Variants in GOLGB1 observed in about 807,000 individuals in gnomAD.
GOLGB1 encodes golgin subfamily B member 1.
GOLGB1 carries 174 observed loss-of-function variants against 336.9 expected under a neutral mutation model. The observed-to-expected ratio is 0.52, with a 90% CI of 0.46 to 0.59. The LOEUF (loss-of-function observed/expected upper bound fraction) is 0.59, where lower values mean the gene tolerates loss of function less well. Ranked by LOEUF, GOLGB1 falls within the 20% of genes least tolerant of loss-of-function variation. GOLGB1 has a pLI of 0.00. For missense variants in GOLGB1, 3,331 were observed against 3,645.3 expected (o/e 0.91, Z 2.22); for synonymous variants, 1,208 against 1,289.2 (o/e 0.94, Z 1.35).
intron 4 of GOLGB1, among the ~76,000 whole-genome samples, 167 bp from the exon 5 acceptor site, chr3:121,727,208 A>G (rs547644639): frequency 1.8e-4 from 26 of 145,262 alleles, no homozygotes; most frequent in African/African-American, 6.5e-4. Flanking sequence ...AGGGTTGTCC[A>G]GTTTTTGTAT....
At chr3:121,733,094 C>A (rs1300116899) in intron 1 of GOLGB1, among the ~76,000 whole-genome samples, 1 of 151,506 alleles carries the variant, frequency 6.6e-6, no homozygotes, top group Non-Finnish European at 1.5e-5. Flanking sequence ...GAGGCCAGGG[C>A]GGGCGGATCA....
chr3:121,701,005 T>C (rs919165157), intron 11 of GOLGB1, among the ~76,000 whole-genome samples: 2 of 152,138 alleles, frequency 1.3e-5, no homozygotes, highest in Non-Finnish European at 2.9e-5. Context: ...GCCTGGCACA[T>C]AGGAAAGCCA....
rs952585860 is a variant in GOLGB1, at chr3:121,691,097, T to C, written c.8267A>G (p.Asn2756Ser). Residue 2756 changes from asparagine (N) to serine (S), a missense_variant, in exon 14 of 22, where the codon AAT (asparagine) becomes AGT (serine). Coordinates refer to ENST00000614479, the MANE Select transcript of GOLGB1 (RefSeq NM_001366282.2). ...SSLQNSRDHA[N>S]EELDELKRKY... is the part of the protein sequence containing the mutation. ...CCTTTTCAGTTCATCAAGTTCCTCA[T>C]TGGCATGATCTCTACTATTTTGCAA... 1 of 1,614,100 alleles carries C rather than the reference T, an allele frequency of 6.2e-7. No individual in the cohort carries two copies. Among genetic ancestry groups the C allele is most frequent in the Non-Finnish European group, 8.5e-7 (1 of 1,180,016 alleles).
chr3:121,683,162 G>A (rs528058985), intron 14 of GOLGB1, among the ~76,000 whole-genome samples: 6 of 136,408 alleles, frequency 4.4e-5, no homozygotes, highest in Non-Finnish European at 6.1e-5. Context: ...TTGGCCTCCC[G>A]AAGTGCTGGG....
chr3:121,686,583 A>G (rs989366145), intron 14 of GOLGB1, among the ~76,000 whole-genome samples: 3 of 152,234 alleles, frequency 2.0e-5, no homozygotes, highest in African/African-American at 7.2e-5. Flanking sequence ...AAGATGTACA[A>G]ATAAGTATAA....
chr3:121,684,069 A>G (rs1304682586), intron 14 of GOLGB1, among the ~76,000 whole-genome samples: 1 of 145,470 alleles, frequency 6.9e-6, no homozygotes, highest in East Asian at 2.1e-4. Flanking sequence ...CGGAGGTTGC[A>G]GTAAGCCAAG....
intron 14 of GOLGB1, among the ~76,000 whole-genome samples, chr3:121,686,514 G>A (rs998933999): frequency 6.6e-6 from 1 of 152,088 alleles, no homozygotes; most frequent in African/African-American, 2.4e-5. Context: ...AATGAGGAGA[G>A]TATAGATAAA....
chr3:121,665,021 T>C lies in GOLGB1; in HGVS notation c.9565A>G (p.Ser3189Gly), dbSNP rs1938406588. 1 of 1,599,432 alleles carries C rather than the reference T, an allele frequency of 6.3e-7. No homozygotes were observed. The highest frequency in any genetic ancestry group is 8.6e-7 in the Non-Finnish European group (1 of 1,166,640). Residue 3189 changes from serine to glycine, a missense_variant, in exon 21 of 22, where the codon AGT becomes GGT. Physicochemically the swap from Ser to Gly is moderately conservative, Grantham distance 56 (BLOSUM62 0). Transcript: ENST00000614479. ...AEEQIRRLEH[S>G]EWDSSRTPII... is the part of the protein sequence containing the mutation. ...GGAGTCCGGGAAGAGTCCCATTCACTGTGCTCTAACCTGAGTTGAGAAAAA... is the reference window on the plus strand; with the variant it reads ...GGAGTCCGGGAAGAGTCCCATTCACCGTGCTCTAACCTGAGTTGAGAAAAA...
In GOLGB1 at chr3:121,730,956, A is replaced by C; in HGVS notation, c.16T>G (p.Ser6Ala). 1 of 1,612,836 alleles carries C rather than the reference A, an allele frequency of 6.2e-7. No homozygotes were observed. The highest frequency in any genetic ancestry group is 8.5e-7 in the Non-Finnish European group (1 of 1,179,672). The change falls in exon 2 of 22, where the codon TCA becomes GCA. Residue 6 changes from serine to alanine, a missense_variant. By Grantham distance (99) the Ser-to-Ala change is moderately conservative. Coordinates refer to ENST00000614479, the MANE Select transcript of GOLGB1 (RefSeq NM_001366282.2). MLSRL[S>A]GLANVVLHEL... ...TGCAAAACAACATTTGCTAATCCTG[A>C]TAATCGGCTCAGCATTTCTGTAGGA...
rs566224045 is a variant in GOLGB1 at position 121,736,237 on chromosome 3, A to G, written c.-2-5264T>C. Among the ~76,000 whole-genome samples the G allele has an allele frequency of 1.6e-4, 24 of 152,334 alleles. No homozygotes were observed. In the South Asian group the frequency reaches 5.0e-3, roughly 32 times the overall value. ...AATGGAGCTTAATTCCCTCTCCTTC[A>G]GTATAGGCTGGACCTAGTGACTCAC... is the stretch of plus-strand genomic sequence containing the variant. On this transcript the variant is annotated intron_variant, in intron 1 of 21. Transcript: ENST00000614479.
chr3:121,746,312 C>A (rs1947279627), intron 1 of GOLGB1, among the ~76,000 whole-genome samples: 1 of 152,074 alleles, frequency 6.6e-6, no homozygotes, highest in South Asian at 2.1e-4. Context: ...AGAAAATGAA[C>A]AACTATTTTT....
At chr3:121,724,109 T>C (rs955860673) in intron 5 of GOLGB1, among the ~76,000 whole-genome samples, 7 of 152,080 alleles carry the variant, frequency 4.6e-5, no homozygotes, top group African/African-American at 1.7e-4. Flanking sequence ...TAATGATTAT[T>C]TGAAAATGTG....
At position 121,695,725 on chromosome 3, in the gene GOLGB1, A is replaced by G. The variant is rs1221250269; in HGVS notation, c.4798T>C (p.Ser1600Pro). ...TCAGTACTTTCTGCAATCTTAGAAGATTTCAAAGATTCAATTTCCTTCACT... is the reference window on the plus strand; with the variant it reads ...TCAGTACTTTCTGCAATCTTAGAAGGTTTCAAAGATTCAATTTCCTTCACT... Reference protein sequence around the residue: ...KLVKEIESLKSSKIAESTEWQ... With the variant: ...KLVKEIESLKPSKIAESTEWQ... The change falls in exon 13 of 22, where the codon TCT (serine) becomes CCT (proline). Residue 1600 changes from serine to proline, a missense_variant. By Grantham distance (74) the Ser-to-Pro change is moderately conservative. Transcript: ENST00000614479. The G allele has an allele frequency of 1.2e-6, 2 of 1,610,746 alleles. No homozygotes were observed. The highest frequency in any genetic ancestry group is 1.7e-5 in the Admixed American group (1 of 59,980).
chr3:121,727,312 A>G (rs1282850057), intron 4 of GOLGB1, among the ~76,000 whole-genome samples: 1 of 35,538 alleles, frequency 2.8e-5, no homozygotes, highest in African/African-American at 7.4e-5. Context: ...ATATATATAT[A>G]TATATATATT....
intron 8 of GOLGB1, 138 bp downstream of exon 8, chr3:121,718,250 C>T (rs56286202): frequency 0.11 from 68,796 of 612,720 alleles, 4,448 homozygotes; most frequent in African/African-American, 0.19. Flanking sequence ...CACTTAAGTA[C>T]GAGGTATTTG....
At chr3:121,729,439 G>C in intron 3 of GOLGB1, 99 bp from the exon 4 acceptor site, 1 of 980,754 alleles carries the variant, frequency 1.0e-6, no homozygotes. Context: ...TCAGAGACAG[G>C]GTATCTCTCT....
At chr3:121,745,317 T>C (rs998078059) in intron 1 of GOLGB1, among the ~76,000 whole-genome samples, 4 of 148,684 alleles carry the variant, frequency 2.7e-5, no homozygotes, top group Admixed American at 1.4e-4. Context: ...TATACATATG[T>C]ACACGTGTAT....
intron 10 of GOLGB1, among the ~76,000 whole-genome samples, chr3:121,705,657 A>G (rs1026580070): frequency 6.6e-6 from 1 of 152,186 alleles, no homozygotes. Context: ...GGAAAAAGTC[A>G]CGTAAAGAGA....
In GOLGB1 at chr3:121,697,650, T is replaced by C. The variant is rs1291832681; in HGVS notation, c.2873A>G (p.Asn958Ser). 1.1e-5 allele frequency: 18 copies of C among 1,612,134 alleles called. No homozygotes were observed. Among genetic ancestry groups the C allele is most frequent in the Non-Finnish European group, 1.5e-5 (18 of 1,179,392 alleles). ...TTGTTTAAGGCCAGAAGAAACTTCA[T>C]TATCTTCTTCCACCTGCTCTTTTTT... is the stretch of plus-strand genomic sequence containing the variant. ...EAKKEQVEED[N>S]EVSSGLKQNY... is the part of the protein sequence containing the mutation. The change falls in exon 13 of 22, where the codon AAT becomes AGT. Residue 958 changes from asparagine to serine, a missense_variant. Asn to Ser is a conservative substitution (Grantham distance 46). Transcript: ENST00000614479.
Sources: allele counts gnomAD v4.1 joint callset (sites outside exome capture counted in the v4.1 genomes callset), GRCh38; gene constraint gnomAD v4.1.1; transcripts MANE v1.5; gene names NCBI Gene and HGNC (gene_info 2026-07-23, HGNC 2026-07-21).